Variants in GPC6 observed in about 807,000 individuals in gnomAD.
The protein encoded by GPC6 is glypican 6.
GPC6 carries 14 observed loss-of-function variants against 55.2 expected under a neutral mutation model. The observed-to-expected ratio is 0.25, with a 90% CI of 0.17 to 0.40. GPC6 has a LOEUF of 0.40. Ranked by LOEUF, GPC6 falls within the 10% of genes least tolerant of loss-of-function variation. GPC6 has a pLI of 1.00. For missense variants in GPC6, 641 were observed against 708.5 expected (o/e 0.90, Z 1.08); for synonymous variants, 278 against 259.6 (o/e 1.07, Z -0.68).
At chr13:94,260,004 G>A (rs974099247) in intron 4 of GPC6, among the ~76,000 whole-genome samples, 8 of 152,122 alleles carry the variant, frequency 5.3e-5, no homozygotes, top group African/African-American at 1.7e-4. Flanking sequence ...GTGTACATGG[G>A]TATATAGTAT....
intron 1 of GPC6, among the ~76,000 whole-genome samples, chr13:93,436,913 G>A (rs1282522626): frequency 1.3e-5 from 2 of 151,888 alleles, no homozygotes; most frequent in Non-Finnish European, 2.9e-5. Flanking sequence ...ACAAATTGAA[G>A]GTTTGTGGTA....
At chr13:94,081,099 G>A (rs571852635) in intron 4 of GPC6, among the ~76,000 whole-genome samples, 1 of 152,222 alleles carries the variant, frequency 6.6e-6, no homozygotes, top group African/African-American at 2.4e-5. Flanking sequence ...AAGATTCTGG[G>A]CACAGTCCCT....
chr13:93,463,953 A>G (rs1878807297), intron 1 of GPC6, among the ~76,000 whole-genome samples: 1 of 152,112 alleles, frequency 6.6e-6, no homozygotes, highest in Non-Finnish European at 1.5e-5. Context: ...TGGTGGATTC[A>G]GTACCAGACC....
chr13:94,178,248 T>C (rs1462201640), intron 4 of GPC6, among the ~76,000 whole-genome samples: 1 of 152,070 alleles, frequency 6.6e-6, no homozygotes, highest in Non-Finnish European at 1.5e-5. Context: ...CTGCCCACCT[T>C]GGCCTCCCAA....
intron 1 of GPC6, among the ~76,000 whole-genome samples, chr13:93,380,575 T>C (rs2139203479): frequency 6.6e-6 from 1 of 152,260 alleles, no homozygotes; most frequent in Admixed American, 6.5e-5. Flanking sequence ...AAGAGCATTT[T>C]GATTTGCCTC....
intron 3 of GPC6, among the ~76,000 whole-genome samples, chr13:93,856,620 A>G (rs1481995588): frequency 1.3e-5 from 2 of 151,646 alleles, no homozygotes; most frequent in African/African-American, 4.8e-5. Context: ...GGAAGAACCT[A>G]GATATCCTGA....
intron 2 of GPC6, among the ~76,000 whole-genome samples, chr13:93,673,111 G>A (rs1881437465): frequency 6.6e-6 from 1 of 152,052 alleles, no homozygotes. Context: ...TGAGTCTGAG[G>A]AGTTGGATGG....
intron 2 of GPC6, among the ~76,000 whole-genome samples, chr13:93,694,286 A>T (rs201932263): frequency 6.6e-6 from 1 of 152,192 alleles, no homozygotes; most frequent in South Asian, 2.1e-4. Flanking sequence ...AATAGAGCCC[A>T]TGAGGCTTGC....
chr13:94,256,213 TGGAGTGTG>T (rs1891500182), intron 4 of GPC6, among the ~76,000 whole-genome samples: 1 of 152,110 alleles, frequency 6.6e-6, no homozygotes, highest in Non-Finnish European at 1.5e-5. Context: ...GCAAATATTG[TGGAGTGTG>T]GGCCATGTCA....
chr13:94,290,717 ATAGTT>A (rs1440762774), intron 5 of GPC6, among the ~76,000 whole-genome samples: 2 of 152,186 alleles, frequency 1.3e-5, no homozygotes, highest in African/African-American at 2.4e-5. Context: ...GTTATTAACT[ATAGTT>A]TAGGTCAAGT....
At chr13:93,733,384 T>C (rs1343082238) in intron 2 of GPC6, among the ~76,000 whole-genome samples, 1 of 152,008 alleles carries the variant, frequency 6.6e-6, no homozygotes, top group Non-Finnish European at 1.5e-5. Flanking sequence ...TGTTATATAT[T>C]GTAAAATCCT....
chr13:93,663,793 T>TTTAATAGATCA (rs1223531453), intron 2 of GPC6, among the ~76,000 whole-genome samples: 16 of 152,172 alleles, frequency 1.1e-4, no homozygotes, highest in Non-Finnish European at 2.2e-4. Flanking sequence ...CATCCACTAA[T>TTTAATAGATCA]AGCAAGGACT....
At chr13:93,331,329 C>T (rs1879835760) in intron 1 of GPC6, among the ~76,000 whole-genome samples, 1 of 152,070 alleles carries the variant, frequency 6.6e-6, no homozygotes, top group South Asian at 2.1e-4. Flanking sequence ...TATCCATTCT[C>T]ACTGACATCT....
chr13:93,633,635 C>CAAATAAAT (rs10656000), intron 2 of GPC6, among the ~76,000 whole-genome samples: 2,590 of 147,126 alleles, frequency 0.018, 29 homozygotes, highest in Middle Eastern at 0.046. Flanking sequence ...GACTCTGTCT[C>CAAATAAAT]AAATAAATAA....
intron 1 of GPC6, among the ~76,000 whole-genome samples, chr13:93,232,585 C>T (rs916686703): frequency 5.3e-5 from 8 of 152,118 alleles, no homozygotes; most frequent in African/African-American, 1.9e-4. Flanking sequence ...AAATATCTCT[C>T]AACTGCATTG....
In GPC6 at chr13:93,695,693, T is replaced by G. The variant is rs552099575; in HGVS notation, c.320-134461T>G. Among the ~76,000 whole-genome samples the G allele has an allele frequency of 2.2e-3, 329 of 152,220 alleles. 1 individual carries two copies. Among genetic ancestry groups the G allele is most frequent in the Non-Finnish European group, 3.5e-3 (241 of 67,968 alleles). On this transcript the variant is annotated intron_variant, in intron 2 of 8. Coordinates refer to ENST00000377047, the MANE Select transcript of GPC6 (RefSeq NM_005708.5). ...AAAATAGTGTAAGATGAAAAATGGA[T>G]ATTTAAAATATGCTTTCATTCATTT... is the stretch of plus-strand genomic sequence containing the variant.
intron 3 of GPC6, among the ~76,000 whole-genome samples, chr13:93,858,227 A>T (rs758059879): frequency 5.9e-5 from 9 of 151,628 alleles, no homozygotes; most frequent in Non-Finnish European, 1.0e-4. Flanking sequence ...GAGGTGGTCA[A>T]ATTAATCCCA....
intron 3 of GPC6, among the ~76,000 whole-genome samples, chr13:93,991,194 T>C (rs1881288694): frequency 6.6e-6 from 1 of 152,160 alleles, no homozygotes. Context: ...CACTATCACA[T>C]TTCAGAATAA....
chr13:94,218,916 T>C (rs577396877), intron 4 of GPC6, among the ~76,000 whole-genome samples: 24 of 152,118 alleles, frequency 1.6e-4, no homozygotes, highest in Non-Finnish European at 3.1e-4. Context: ...ATGAAGGTGG[T>C]TACTCTGGAA....
Sources: gnomAD v4.1 joint callset for allele counts (sites outside exome capture counted in the v4.1 genomes callset) on GRCh38, gnomAD v4.1.1 for gene constraint, MANE v1.5 for transcripts, NCBI Gene and HGNC (gene_info 2026-07-23, HGNC 2026-07-21) for gene names.